The following ADGRA3 variants were observed in gnomAD, a reference collection of about 807,000 sequenced individuals.
The protein encoded by ADGRA3 is adhesion G protein-coupled receptor A3, also known as G-protein coupled receptor 125.
ADGRA3 carries 56 observed loss-of-function variants against 119.8 expected under a neutral mutation model. That is an observed-to-expected ratio of 0.47 (90% CI 0.38 to 0.58). ADGRA3 has a LOEUF of 0.58. Among genes scored for constraint, ADGRA3 ranks in the 20% least tolerant of loss-of-function variants. The probability of loss-of-function intolerance (pLI) is 0.00; values close to 1 mark genes in which losing one functional copy is unlikely to be tolerated. For synonymous variants in ADGRA3, 607 were observed against 623.8 expected, an observed-to-expected ratio of 0.97 and a Z score of 0.40; for missense variants, 1,516 against 1,649.0, an observed-to-expected ratio of 0.92 and a Z score of 1.40.
chr4:22,398,929 G>T (rs1351608314), intron 16 of ADGRA3, among the ~76,000 whole-genome samples: 2 of 152,178 alleles, frequency 1.3e-5, no homozygotes, highest in African/African-American at 4.8e-5. Context: ...CAGGGTACAT[G>T]AACATGTAAC....
rs1716671311 is a variant in ADGRA3, at chr4:22,442,794, C to T, written c.776G>A (p.Ser259Asn). 2 of 1,611,570 alleles carry T rather than the reference C, an allele frequency of 1.2e-6. No individual in the cohort carries two copies. The highest frequency in any genetic ancestry group is 1.7e-6 in the Non-Finnish European group (2 of 1,177,812). Residue 259 changes from serine to asparagine, a missense_variant, in exon 7 of 19, where the codon AGC becomes AAC. By Grantham distance (46) the Ser-to-Asn change is conservative (BLOSUM62 1). This residue lies in a region of ADGRA3 where 428 missense variants were observed against 541.9 expected (regional missense o/e 0.79). Transcript: ENST00000334304. ...TGAAGCCATGCACTGGAAAGGAAGG[C>T]TGTCTCCTTCAAACACAACTTGGCG... is the stretch of plus-strand genomic sequence containing the variant. ...SHRQVVFEGD[S>N]LPFQCMASYI... is the part of the protein sequence containing the mutation.
At chr4:22,506,761 T>A (rs1386902579) in intron 1 of ADGRA3, among the ~76,000 whole-genome samples, 3 of 150,088 alleles carry the variant, frequency 2.0e-5, no homozygotes, top group East Asian at 4.0e-4. Context: ...AAAAAAAAAA[T>A]CCTTGGGAGG....
chr4:22,500,879 G>A, intron 1 of ADGRA3, among the ~76,000 whole-genome samples: 1 of 152,138 alleles, frequency 6.6e-6, no homozygotes, highest in East Asian at 1.9e-4. Context: ...CTTTAAGTGG[G>A]CATCTTCCAA....
At chr4:22,439,245 C>T (rs1226904189) in intron 7 of ADGRA3, among the ~76,000 whole-genome samples, 6 of 152,092 alleles carry the variant, frequency 3.9e-5, no homozygotes, top group Non-Finnish European at 8.8e-5. Flanking sequence ...TAGTAAATTA[C>T]CAATTAATAC....
chr4:22,431,140 A>C (rs960461828), intron 10 of ADGRA3, among the ~76,000 whole-genome samples: 4 of 152,098 alleles, frequency 2.6e-5, no homozygotes, highest in African/African-American at 9.7e-5. Context: ...GCAGAAGGGA[A>C]ATGTGGGGTC....
At chr4:22,451,231 A>G (rs979869264) in intron 4 of ADGRA3, among the ~76,000 whole-genome samples, 1 of 152,126 alleles carries the variant, frequency 6.6e-6, no homozygotes, top group African/African-American at 2.4e-5. Flanking sequence ...TATTAAAGGT[A>G]TAACTCTTGA....
intron 1 of ADGRA3, 85 bp from the exon 2 acceptor site, chr4:22,473,928 A>G: frequency 1.4e-6 from 1 of 729,082 alleles, no homozygotes; most frequent in South Asian, 2.5e-5. Flanking sequence ...TAAACCTATG[A>G]GAAATTCTAA....
chr4:22,436,376 T>G (rs1008945185), intron 9 of ADGRA3, 64 bp downstream of exon 9: 2 of 1,252,866 alleles, frequency 1.6e-6, no homozygotes, highest in African/African-American at 1.5e-5. Context: ...AAAAAACTTA[T>G]GTATTTGGTT....
chr4:22,400,883 G>A (rs2169605), intron 16 of ADGRA3, among the ~76,000 whole-genome samples: 11,873 of 151,908 alleles, frequency 0.078, 833 homozygotes, highest in East Asian at 0.29. Flanking sequence ...AAAATGTTAC[G>A]TATTTTCTAT....
chr4:22,450,102 A>G (rs1313848969), intron 4 of ADGRA3, among the ~76,000 whole-genome samples: 1 of 152,156 alleles, frequency 6.6e-6, no homozygotes, highest in Non-Finnish European at 1.5e-5. Context: ...TTACAACATT[A>G]CAATCGCAGT....
chr4:22,495,939 T>C (rs1211520472), intron 1 of ADGRA3, among the ~76,000 whole-genome samples: 1 of 151,736 alleles, frequency 6.6e-6, no homozygotes, highest in African/African-American at 2.4e-5. Flanking sequence ...AGTTAATACA[T>C]GAAAAAATAA....
chr4:22,413,669 T>C lies in ADGRA3; in HGVS notation c.1955A>G (p.Asn652Ser), dbSNP rs1290085452. 6.2e-7 allele frequency: 1 copy of C among 1,613,936 alleles called. No individual in the cohort carries two copies. Among genetic ancestry groups the C allele is most frequent in the Non-Finnish European group, 8.5e-7 (1 of 1,179,958 alleles). Residue 652 changes from asparagine to serine, a missense_variant, in exon 13 of 19, where the codon AAT (asparagine) becomes AGT (serine). By Grantham distance (46) the Asn-to-Ser change is conservative. Coordinates refer to ENST00000334304, the MANE Select transcript of ADGRA3 (RefSeq NM_145290.4). The part of the protein sequence containing the change: ...RNGKLFPATG[N>S]STNLADDGKR... ...TCCATCATCAGCCAAATTTGTTGAA[T>C]TTCCAGTGGCTGGAAAAAGCTTTCC...
chr4:22,439,877 G>T (rs58085661), intron 7 of ADGRA3, among the ~76,000 whole-genome samples: 5,169 of 152,160 alleles, frequency 0.034, 226 homozygotes, highest in African/African-American at 0.086. Flanking sequence ...AAAAAATACC[G>T]ATGGTGGTTT....
intron 17 of ADGRA3, among the ~76,000 whole-genome samples, chr4:22,390,579 G>A (rs1714096886): frequency 6.6e-6 from 1 of 151,432 alleles, no homozygotes; most frequent in Admixed American, 6.6e-5. Flanking sequence ...ATTGTCAGCT[G>A]TACCCACTCA....
intron 12 of ADGRA3, 36 bp downstream of exon 12, chr4:22,420,848 CTG>C: frequency 6.4e-7 from 1 of 1,567,966 alleles, no homozygotes; most frequent in Non-Finnish European, 8.8e-7. Flanking sequence ...TCTAATTTAA[CTG>C]TAAATAGTCT....
At chr4:22,510,009 CAAAAAAAAA>C (rs545010218) in intron 1 of ADGRA3, among the ~76,000 whole-genome samples, 26 of 98,896 alleles carry the variant, frequency 2.6e-4, no homozygotes, top group Non-Finnish European at 4.2e-4. Context: ...GACTCCGTCT[CAAAAAAAAA>C]AAAAAAAAAA....
intron 2 of ADGRA3, among the ~76,000 whole-genome samples, chr4:22,471,760 A>G (rs1420556741): frequency 5.9e-5 from 9 of 152,124 alleles, no homozygotes; most frequent in African/African-American, 1.9e-4. Flanking sequence ...CCTTATCTGT[A>G]TATTTATCTC....
rs186107239 is a variant in ADGRA3, at chr4:22,502,586, G to A, written c.257+12942C>T. 6.9e-3 allele frequency among the ~76,000 whole-genome samples: 924 copies of A among 134,550 alleles called. 18 individuals are homozygous for A. The highest frequency in any genetic ancestry group is 0.029 in the African/African-American group (879 of 30,514). The allele number at this position is 134,550 out of a possible 152,430, so 88.3% of individuals were successfully genotyped here. ...GCTACAAGGGAGTATTCTGGGGAGA[G>A]GAGCTTTTTTAACAGAGGAAGAAAG... On this transcript the variant is annotated intron_variant, in intron 1 of 18. Transcript: ENST00000334304.
intron 3 of ADGRA3, among the ~76,000 whole-genome samples, chr4:22,461,098 A>G (rs950812334): frequency 5.3e-5 from 8 of 152,258 alleles, no homozygotes; most frequent in African/African-American, 1.9e-4. Flanking sequence ...ATCATTACTT[A>G]AAAGGTACCT....
Sources: gnomAD v4.1 joint callset for allele counts (sites outside exome capture counted in the v4.1 genomes callset) on GRCh38, gnomAD v4.1.1 for gene constraint, gnomAD v4.1.1 regional missense constraint, MANE v1.5 for transcripts, NCBI Gene and HGNC (gene_info 2026-07-23, HGNC 2026-07-21) for gene names.